The following ST6GALNAC5 variants were observed in gnomAD, a reference collection of about 807,000 sequenced individuals.
ST6GALNAC5 encodes the protein alpha-N-acetylgalactosaminide alpha-2,6-sialyltransferase 5.
In ST6GALNAC5, 27 loss-of-function variants were observed where a neutral mutation model predicts 33.6. The observed-to-expected ratio is 0.80, with a 90% confidence interval of 0.59 to 1.11. The LOEUF (loss-of-function observed/expected upper bound fraction) is 1.11. ST6GALNAC5 is among the 50% of genes least tolerant of loss of function. The probability of loss-of-function intolerance (pLI) is 0.00; values close to 1 mark genes in which losing one functional copy is unlikely to be tolerated. For missense variants in ST6GALNAC5, 428 were observed against 454.0 expected (o/e 0.94, Z 0.52); for synonymous variants, 194 against 171.2 (o/e 1.13, Z -1.04).
chr1:77,023,456 T>C (rs1651124957), intron 2 of ST6GALNAC5, among the ~76,000 whole-genome samples: 1 of 152,102 alleles, frequency 6.6e-6, no homozygotes, highest in Non-Finnish European at 1.5e-5. Flanking sequence ...TAAGCACCAT[T>C]GAAGCTCTTC....
chr1:76,974,773 C>CTTTTTTTTTTTTTTTTTT lies in ST6GALNAC5; in HGVS notation c.262-69422_262-69405dup, dbSNP rs60357939. Among the ~76,000 whole-genome samples, 4 of 35,240 alleles carry CTTTTTTTTTTTTTTTTTT rather than the reference C, an allele frequency of 1.1e-4. 2 individuals carry two copies. Among genetic ancestry groups the CTTTTTTTTTTTTTTTTTT allele is most frequent in the Non-Finnish European group, 1.9e-4 (4 of 21,576 alleles). The allele number at this position is 35,240 out of a possible 152,430, so 23.1% of individuals were successfully genotyped here. A position where few individuals can be genotyped will look rare whatever the true frequency, so the allele number is the denominator to read the frequency against. ...ATATCTGTAAGTTTTTTCTTTCTTT[C>CTTTTTTTTTTTTTTTTTT]TTTTTTTTTTTTTTTTTTTTTTTTT... On this transcript the variant is annotated intron_variant, in intron 2 of 4. Transcript: ENST00000477717.
intron 4 of ST6GALNAC5, chr1:77,060,006 G>A (rs1280551699): frequency 4.6e-5 from 7 of 152,072 alleles, no homozygotes; most frequent in African/African-American, 1.4e-4. Flanking sequence ...CAAGTCATCC[G>A]AAGCAGAGTC....
chr1:77,063,130 A>T lies in ST6GALNAC5; in HGVS notation c.935A>T (p.Asn312Ile). 1 of 1,613,830 alleles carries T rather than the reference A, an allele frequency of 6.2e-7. No homozygotes were observed. Among genetic ancestry groups the T allele is most frequent in the Non-Finnish European group, 8.5e-7 (1 of 1,179,850 alleles). Reference sequence around the variant, plus strand: ...TTTAAGAACTGGGCACGGACATTCAATATTCACTTTTTTCAACCAGACTGG... The same window carrying T: ...TTTAAGAACTGGGCACGGACATTCATTATTCACTTTTTTCAACCAGACTGG... ...RVFKNWARTF[N>I]IHFFQPDWKP... is the part of the protein sequence containing the mutation. Residue 312 changes from asparagine (N) to isoleucine (I), a missense_variant, in exon 5 of 5, where the codon AAT becomes ATT. Asn to Ile is a moderately radical substitution (Grantham distance 149). Transcript: ENST00000477717.
intron 3 of ST6GALNAC5, among the ~76,000 whole-genome samples, chr1:77,047,949 C>T (rs1652071739): frequency 6.6e-6 from 1 of 152,146 alleles, no homozygotes; most frequent in African/African-American, 2.4e-5. Flanking sequence ...GTAGATATTC[C>T]TTTGTTAGAA....
chr1:77,044,369 G>T lies in ST6GALNAC5; in HGVS notation c.427G>T (p.Val143Phe). The part of the protein sequence containing the change: ...RDVGNRTSLR[V>F]IAHSSIQRIL... ...CGTGGGCAATCGCACCAGCCTGAGGGTCATCGCGCATTCCAGCATCCAGAG... is the reference window on the plus strand; with the variant it reads ...CGTGGGCAATCGCACCAGCCTGAGGTTCATCGCGCATTCCAGCATCCAGAG... The change falls in exon 3 of 5, where the codon GTC becomes TTC. Residue 143 changes from valine to phenylalanine, a missense_variant. Transcript: ENST00000477717. 1 of 1,613,898 alleles carries T rather than the reference G, an allele frequency of 6.2e-7. No homozygotes were observed. The highest frequency in any genetic ancestry group is 2.2e-5 in the East Asian group (1 of 44,848).
intron 2 of ST6GALNAC5, among the ~76,000 whole-genome samples, chr1:77,005,962 G>A (rs551143021): frequency 7.2e-5 from 11 of 152,110 alleles, no homozygotes; most frequent in Non-Finnish European, 1.3e-4. Context: ...GGGCATTTGG[G>A]TTGTTTCCAA....
chr1:77,032,952 C>T (rs915090953), intron 2 of ST6GALNAC5, among the ~76,000 whole-genome samples: 2 of 152,142 alleles, frequency 1.3e-5, no homozygotes, highest in South Asian at 4.1e-4. Context: ...TTTGTGGAAT[C>T]GGGCTTGTCG....
At chr1:76,892,254 A>G (rs1654029370) in intron 2 of ST6GALNAC5, among the ~76,000 whole-genome samples, 1 of 152,246 alleles carries the variant, frequency 6.6e-6, no homozygotes. Context: ...TACCTCTTTT[A>G]TGACTGCTGT....
chr1:76,970,470 A>G (rs1265780289), intron 2 of ST6GALNAC5, among the ~76,000 whole-genome samples: 3 of 152,122 alleles, frequency 2.0e-5, no homozygotes, highest in East Asian at 1.9e-4. Context: ...TTGAAGATCA[A>G]TTTAATGAAA....
chr1:76,935,313 A>G (rs1647189746), intron 2 of ST6GALNAC5, among the ~76,000 whole-genome samples: 1 of 152,116 alleles, frequency 6.6e-6, no homozygotes, highest in South Asian at 2.1e-4. Context: ...GGAAAAAATC[A>G]GATTATGGGG....
In ST6GALNAC5 at chr1:77,044,338, G is replaced by A. The variant is rs1303703648; in HGVS notation, c.396G>A (p.Gly132=). Residue 132 remains glycine (G), a synonymous_variant, in exon 3 of 5, where the codon GGG becomes GGA. Transcript: ENST00000477717. ...ATGACGCCCCCACACGCGGCTATGG[G>A]CGTGACGTGGGCAATCGCACCAGCC... ...RMNDAPTRGY[G]RDVGNRTSLR... is the part of the protein sequence containing the mutation. The A allele has an allele frequency of 1.2e-6, 2 of 1,613,974 alleles. No homozygotes were observed.
chr1:76,994,905 C>G (rs1280831175), intron 2 of ST6GALNAC5, among the ~76,000 whole-genome samples: 3 of 152,106 alleles, frequency 2.0e-5, no homozygotes, highest in African/African-American at 7.2e-5. Flanking sequence ...TCTTGTCTAT[C>G]CGGGCTCAAA....
intron 3 of ST6GALNAC5, among the ~76,000 whole-genome samples, chr1:77,048,223 A>C (rs1269331646): frequency 1.3e-5 from 2 of 152,222 alleles, no homozygotes; most frequent in African/African-American, 4.8e-5. Context: ...AACCAGAGTT[A>C]TGGGAGAGTT....
At chr1:76,870,658 A>C (rs1328694875) in intron 2 of ST6GALNAC5, among the ~76,000 whole-genome samples, 1 of 152,222 alleles carries the variant, frequency 6.6e-6, no homozygotes, top group Admixed American at 6.5e-5. Flanking sequence ...GATACCCTAC[A>C]TGGGAAATTG....
intron 2 of ST6GALNAC5, among the ~76,000 whole-genome samples, chr1:76,969,105 C>T (rs1004578527): frequency 1.3e-5 from 2 of 152,256 alleles, no homozygotes; most frequent in Middle Eastern, 3.4e-3. Flanking sequence ...GTGTGATCAA[C>T]GCAGAACACG....
chr1:77,033,703 T>C (rs577886025), intron 2 of ST6GALNAC5, among the ~76,000 whole-genome samples: 32 of 152,004 alleles, frequency 2.1e-4, no homozygotes, highest in Non-Finnish European at 3.7e-4. Flanking sequence ...GAGCCAAGCT[T>C]ATGAACAACT....
chr1:76,981,365 C>G (rs1006964439), intron 2 of ST6GALNAC5, among the ~76,000 whole-genome samples: 4 of 152,232 alleles, frequency 2.6e-5, no homozygotes, highest in African/African-American at 9.6e-5. Context: ...GGGTCCCACA[C>G]CCATAGAGCC....
At chr1:77,034,721 G>T (rs753677709) in intron 2 of ST6GALNAC5, among the ~76,000 whole-genome samples, 12 of 152,204 alleles carry the variant, frequency 7.9e-5, no homozygotes, top group Non-Finnish European at 1.5e-4. Context: ...GAGGAAGGCA[G>T]CCTGCAGAGT....
In ST6GALNAC5 at chr1:76,907,007, G is replaced by A. The variant is rs140353547; in HGVS notation, c.261+38265G>A. Among the ~76,000 whole-genome samples the A allele has an allele frequency of 5.3e-5, 8 of 152,048 alleles. No homozygotes were observed. In the East Asian group the frequency reaches 1.5e-3, roughly 29 times the overall value. ...ATCACTGATGCCACATACCCTAATAGGCCACTTCTGGTAAATTTCCTAAAT... is the reference window on the plus strand; with the variant it reads ...ATCACTGATGCCACATACCCTAATAAGCCACTTCTGGTAAATTTCCTAAAT... On this transcript the variant is annotated intron_variant, in intron 2 of 4. Transcript: ENST00000477717.
Sources: allele counts gnomAD v4.1 joint callset (sites outside exome capture counted in the v4.1 genomes callset), GRCh38; gene constraint gnomAD v4.1.1; transcripts MANE v1.5; gene names NCBI Gene and HGNC (gene_info 2026-07-23, HGNC 2026-07-21).